PLPPR1: variants seen among roughly 807,000 people sequenced by gnomAD.
PLPPR1 encodes the protein phospholipid phosphatase-related protein type 1.
A neutral mutation model predicts 33.1 loss-of-function variants in PLPPR1; 10 were observed. That is an observed-to-expected ratio of 0.30 (90% CI 0.19 to 0.51). PLPPR1 has a LOEUF of 0.51. PLPPR1 is among the 20% of genes least tolerant of loss of function. The probability of loss-of-function intolerance (pLI) is 0.97; values close to 1 mark genes in which losing one functional copy is unlikely to be tolerated. For missense variants in PLPPR1, 304 were observed against 408.1 expected, an observed-to-expected ratio of 0.74 and a Z score of 2.20; for synonymous variants, 151 against 151.0, an observed-to-expected ratio of 1.00 and a Z score of 0.00.
At chr9:101,047,247 A>AT (rs1052057238) in intron 1 of PLPPR1, among the ~76,000 whole-genome samples, 5 of 151,988 alleles carry the variant, frequency 3.3e-5, no homozygotes, top group Admixed American at 2.0e-4. Flanking sequence ...AGATTAAGGG[A>AT]TTTTTGCTCC....
At chr9:101,160,469 A>T (rs1349642421) in intron 1 of PLPPR1, among the ~76,000 whole-genome samples, 3 of 152,188 alleles carry the variant, frequency 2.0e-5, no homozygotes, top group Admixed American at 2.0e-4. Context: ...GATCAAAATG[A>T]GAGCTTTCAC....
At chr9:101,039,316 T>A (rs992850981) in intron 1 of PLPPR1, among the ~76,000 whole-genome samples, 1 of 152,074 alleles carries the variant, frequency 6.6e-6, no homozygotes, top group Non-Finnish European at 1.5e-5. Context: ...ATCTGTGATA[T>A]GGAGATAATA....
chr9:101,287,600 A>T lies in PLPPR1; in HGVS notation c.385+1364A>T, dbSNP rs542774131. On this transcript the variant is annotated intron_variant, in intron 4 of 7. Coordinates refer to ENST00000374874, the MANE Select transcript of PLPPR1 (RefSeq NM_207299.2). ...ACTGCAACCTCCGTCTGCCAGGTTC[A>T]AGCGATTCTCCTGTCTCAGCCTCCT... 4.6e-5 allele frequency among the ~76,000 whole-genome samples: 7 copies of T among 152,310 alleles called. 1 individual carries two copies. The highest frequency in any genetic ancestry group is 1.7e-4 in the African/African-American group (7 of 41,558).
intron 1 of PLPPR1, among the ~76,000 whole-genome samples, chr9:101,158,869 G>A (rs1588052339): frequency 6.6e-6 from 1 of 152,224 alleles, no homozygotes; most frequent in Non-Finnish European, 1.5e-5. Flanking sequence ...AGGCTCAGGG[G>A]TACATGCTAG....
chr9:101,206,973 C>A (rs940190633), intron 2 of PLPPR1, among the ~76,000 whole-genome samples: 11 of 152,066 alleles, frequency 7.2e-5, no homozygotes, highest in Admixed American at 7.2e-4. Context: ...AAAGGGACAT[C>A]ACCTACCCCT....
At chr9:101,046,535 G>A (rs2118432851) in intron 1 of PLPPR1, among the ~76,000 whole-genome samples, 1 of 149,922 alleles carries the variant, frequency 6.7e-6, no homozygotes, top group East Asian at 2.0e-4. Flanking sequence ...TGCCTCCCGG[G>A]TTCACGCCAT....
intron 1 of PLPPR1, among the ~76,000 whole-genome samples, chr9:101,168,997 A>G (rs1341172234): frequency 1.3e-5 from 2 of 152,116 alleles, no homozygotes; most frequent in Admixed American, 1.3e-4. Context: ...TTACTTTTTT[A>G]TATTTGAAAT....
chr9:101,059,069 G>GT (rs977145460), intron 1 of PLPPR1, among the ~76,000 whole-genome samples: 109 of 152,164 alleles, frequency 7.2e-4, no homozygotes, highest in African/African-American at 2.5e-3. Flanking sequence ...TTTTTGGTCT[G>GT]TTTTTTACCA....
chr9:101,287,135 A>G (rs749621955), intron 4 of PLPPR1, among the ~76,000 whole-genome samples: 1 of 152,248 alleles, frequency 6.6e-6, no homozygotes, highest in Admixed American at 6.5e-5. Context: ...GTCTGGTTGG[A>G]GTGGAAATGA....
At chr9:101,247,299 G>A (rs1475499) in intron 2 of PLPPR1, among the ~76,000 whole-genome samples, 77,914 of 151,636 alleles carry the variant, frequency 0.51, 21,897 homozygotes, top group African/African-American at 0.76. Context: ...TTTTTCCATG[G>A]GAGAGAAAAA....
chr9:101,112,959 T>G (rs570489205), intron 1 of PLPPR1, among the ~76,000 whole-genome samples: 223 of 151,732 alleles, frequency 1.5e-3, no homozygotes, highest in African/African-American at 5.0e-3. Flanking sequence ...GTGAACATGA[T>G]TTGCAGCTTA....
At chr9:101,064,474 C>T (rs1830385090) in intron 1 of PLPPR1, among the ~76,000 whole-genome samples, 1 of 152,004 alleles carries the variant, frequency 6.6e-6, no homozygotes, top group African/African-American at 2.4e-5. Context: ...CCAGAGCAAA[C>T]ACAGAAGCTG....
At chr9:101,158,514 G>A (rs1223395400) in intron 1 of PLPPR1, among the ~76,000 whole-genome samples, 1 of 152,154 alleles carries the variant, frequency 6.6e-6, no homozygotes, top group Non-Finnish European at 1.5e-5. Context: ...GTAGTGGAGT[G>A]GGACAGTGAG....
intron 1 of PLPPR1, among the ~76,000 whole-genome samples, chr9:101,054,790 G>A (rs1311381069): frequency 6.6e-6 from 1 of 152,096 alleles, no homozygotes; most frequent in Admixed American, 6.6e-5. Flanking sequence ...CCACTATGCC[G>A]CAAAACCTCT....
At chr9:101,096,969 AG>A (rs1403463394) in intron 1 of PLPPR1, among the ~76,000 whole-genome samples, 1 of 152,156 alleles carries the variant, frequency 6.6e-6, no homozygotes, top group Non-Finnish European at 1.5e-5. Context: ...GGGAGTCTAA[AG>A]TGGGAGGGAT....
rs1297683642 is a variant in PLPPR1, at chr9:101,200,471, T to C, written c.63+14914T>C. Among the ~76,000 whole-genome samples, 3 of 152,110 alleles carry C rather than the reference T, an allele frequency of 2.0e-5. No individual in the cohort carries two copies. The East Asian group carries it at 5.8e-4, about 29-fold the overall frequency. ...AGTAAGGCAGAGAATACATACAGAGTGGAAAAACTTTATTCTAACAAAACT... is the reference window on the plus strand; with the variant it reads ...AGTAAGGCAGAGAATACATACAGAGCGGAAAAACTTTATTCTAACAAAACT... On this transcript the variant is annotated intron_variant, in intron 2 of 7. Coordinates refer to ENST00000374874, the MANE Select transcript of PLPPR1 (RefSeq NM_207299.2).
intron 1 of PLPPR1, among the ~76,000 whole-genome samples, chr9:101,039,188 G>T (rs1830046567): frequency 6.6e-6 from 1 of 152,152 alleles, no homozygotes. Context: ...GGATCATGTG[G>T]TGGTTAAGAG....
intron 1 of PLPPR1, among the ~76,000 whole-genome samples, chr9:101,167,046 GAAA>G (rs5899433): frequency 1.0e-5 from 1 of 95,594 alleles, no homozygotes; most frequent in Non-Finnish European, 2.1e-5. Flanking sequence ...AAGATCTATT[GAAA>G]AAAAAAAAAA....
At chr9:101,254,722 T>A (rs548306391) in intron 2 of PLPPR1, among the ~76,000 whole-genome samples, 4 of 152,230 alleles carry the variant, frequency 2.6e-5, no homozygotes, top group Non-Finnish European at 5.9e-5. Flanking sequence ...GAGCCACTTA[T>A]GTGTTTATGA....
Sources: gnomAD v4.1 joint callset for allele counts (sites outside exome capture counted in the v4.1 genomes callset) on GRCh38, gnomAD v4.1.1 for gene constraint, MANE v1.5 for transcripts, NCBI Gene and HGNC (gene_info 2026-07-23, HGNC 2026-07-21) for gene names.